AGBL1: variants seen among roughly 807,000 people sequenced by gnomAD.
AGBL1 encodes cytosolic carboxypeptidase 4.
In AGBL1, 130 loss-of-function variants were observed where a neutral mutation model predicts 118.9. That is an observed-to-expected ratio of 1.09 (90% CI 0.95 to 1.26). AGBL1 has a LOEUF of 1.26. Ranked by LOEUF, AGBL1 falls within the 50% of genes most tolerant of loss-of-function variation. The pLI is 0.00. For missense variants in AGBL1, 1,584 were observed against 1,298.1 expected, an observed-to-expected ratio of 1.22 and a Z score of -3.38; for synonymous variants, 555 against 478.9, an observed-to-expected ratio of 1.16 and a Z score of -2.08.
intron 23 of AGBL1, among the ~76,000 whole-genome samples, chr15:86,984,403 C>T (rs1163239235): frequency 1.3e-5 from 2 of 149,314 alleles, no homozygotes; most frequent in East Asian, 2.0e-4. Context: ...TTCACTCTGT[C>T]GCCCGGGCTG....
Position 86,143,820 on chromosome 15 carries a change from G to A in AGBL1, c.237G>A (p.Arg79=). The part of the protein sequence containing the change: ...PDYDILLPLF[R]LLAKVGLRDK... ...ATGACATCCTCCTGCCTCTCTTCCG[G>A]CTGCTGGCCAAAGTTGGCCTAAGAG... Residue 79 remains arginine, a synonymous_variant, in exon 3 of 23, where the codon CGG becomes CGA. Coordinates refer to ENST00000614907, the MANE Select transcript of AGBL1 (RefSeq NM_001386094.1). 1.2e-6 allele frequency: 2 copies of A among 1,613,822 alleles called. No homozygotes were observed. Among genetic ancestry groups the A allele is most frequent in the Non-Finnish European group, 1.7e-6 (2 of 1,179,786 alleles).
rs545017918 is a variant in AGBL1 at position 86,791,418 on chromosome 15, A to G, written c.3159-115669A>G. On this transcript the variant is annotated intron_variant, in intron 22 of 22. Transcript: ENST00000614907. ...TGATCATTTCAGAATTAAAACAAGT[A>G]ATTCACCTCACCCATAGCAGGTGCT... Among the ~76,000 whole-genome samples the G allele has an allele frequency of 3.2e-4, 48 of 152,220 alleles. No homozygotes were observed. The South Asian group carries it at 8.7e-3, about 28-fold the overall frequency.
chr15:86,286,432 G>C (rs1365672269), intron 16 of AGBL1, among the ~76,000 whole-genome samples: 1 of 151,774 alleles, frequency 6.6e-6, no homozygotes, highest in African/African-American at 2.4e-5. Flanking sequence ...TTGAAATTTT[G>C]TACCCTTTCT....
chr15:86,483,793 A>T (rs1301124338), intron 18 of AGBL1, among the ~76,000 whole-genome samples: 3 of 152,158 alleles, frequency 2.0e-5, no homozygotes, highest in African/African-American at 7.2e-5. Context: ...TTTAGCTGTT[A>T]AAATAAACAA....
At chr15:86,734,698 TGAG>T (rs2077569200) in intron 22 of AGBL1, among the ~76,000 whole-genome samples, 3 of 152,110 alleles carry the variant, frequency 2.0e-5, no homozygotes, top group Non-Finnish European at 2.9e-5. Context: ...TCAGGAAAAA[TGAG>T]GAGGAGACAA....
chr15:86,882,556 G>C (rs2079910580), intron 22 of AGBL1, among the ~76,000 whole-genome samples: 1 of 152,104 alleles, frequency 6.6e-6, no homozygotes, highest in South Asian at 2.1e-4. Context: ...ATAAAATTTA[G>C]ATATATTAAT....
intron 23 of AGBL1, among the ~76,000 whole-genome samples, chr15:86,978,939 G>A (rs954529815): frequency 2.0e-5 from 3 of 152,164 alleles, no homozygotes; most frequent in African/African-American, 7.2e-5. Context: ...CATTTAATGA[G>A]TTCTTGCTTT....
intron 6 of AGBL1, among the ~76,000 whole-genome samples, chr15:86,234,529 C>A (rs551915083): frequency 7.8e-6 from 1 of 129,006 alleles, no homozygotes; most frequent in Admixed American, 9.3e-5. Flanking sequence ...CCAGCCTGGG[C>A]GACAGAGTGA....
chr15:86,526,798 C>T (rs570300093), intron 19 of AGBL1, among the ~76,000 whole-genome samples: 3 of 151,832 alleles, frequency 2.0e-5, no homozygotes, highest in South Asian at 2.1e-4. Flanking sequence ...GTGGGATAAG[C>T]TACGGGTATG....
At chr15:86,704,962 A>G (rs12915386) in intron 22 of AGBL1, among the ~76,000 whole-genome samples, 70,207 of 152,108 alleles carry the variant, frequency 0.46, 18,836 homozygotes, top group Non-Finnish European at 0.62. Context: ...ATAAAAAGGA[A>G]TGAGTTCATG....
At chr15:86,332,304 G>A (rs907912403) in intron 17 of AGBL1, among the ~76,000 whole-genome samples, 6 of 152,118 alleles carry the variant, frequency 3.9e-5, no homozygotes, top group African/African-American at 1.4e-4. Context: ...ATAATAGTGA[G>A]GGAACTTTGA....
At chr15:86,442,892 G>C (rs1177553567) in intron 18 of AGBL1, among the ~76,000 whole-genome samples, 1 of 152,234 alleles carries the variant, frequency 6.6e-6, no homozygotes, top group African/African-American at 2.4e-5. Context: ...AAAGCAGAGA[G>C]ATGCGATTGC....
chr15:86,619,849 T>C (rs778053584), intron 21 of AGBL1, among the ~76,000 whole-genome samples: 9 of 152,172 alleles, frequency 5.9e-5, no homozygotes, highest in Admixed American at 1.3e-4. Flanking sequence ...TATGCTAAGC[T>C]TCAAAGGAAC....
At chr15:87,013,913 G>C (rs2081585556) in intron 24 of AGBL1, among the ~76,000 whole-genome samples, 1 of 152,156 alleles carries the variant, frequency 6.6e-6, no homozygotes, top group African/African-American at 2.4e-5. Flanking sequence ...GATTCCAGGA[G>C]CTACCCTTTC....
chr15:86,935,572 A>G (rs1865188), intron 23 of AGBL1, among the ~76,000 whole-genome samples: 5,930 of 152,296 alleles, frequency 0.039, 157 homozygotes, highest in Middle Eastern at 0.071. Flanking sequence ...ACTGGGAGCC[A>G]TATCACCCTG....
At chr15:86,396,223 A>ATGTGTG (rs1278356872) in intron 17 of AGBL1, among the ~76,000 whole-genome samples, 1 of 129,370 alleles carries the variant, frequency 7.7e-6, no homozygotes, top group African/African-American at 3.3e-5. Flanking sequence ...GTGTGTATAT[A>ATGTGTG]TATGTGTGTG....
intron 22 of AGBL1, among the ~76,000 whole-genome samples, chr15:86,718,633 G>A (rs2086672755): frequency 6.6e-6 from 1 of 152,160 alleles, no homozygotes; most frequent in South Asian, 2.1e-4. Context: ...AAACCAAGGG[G>A]AGATGGAGGC....
At chr15:86,779,920 A>AACACACAC (rs201278408) in intron 22 of AGBL1, among the ~76,000 whole-genome samples, 7 of 106,890 alleles carry the variant, frequency 6.5e-5, no homozygotes, top group African/African-American at 1.3e-4. Flanking sequence ...ACACCCCCCC[A>AACACACAC]ACACACACAC....
chr15:86,679,250 A>G (rs146501520), intron 22 of AGBL1, among the ~76,000 whole-genome samples: 1 of 152,218 alleles, frequency 6.6e-6, no homozygotes. Flanking sequence ...GTTCATCAGT[A>G]AAGTATTGTA....
Sources: allele counts gnomAD v4.1 joint callset (sites outside exome capture counted in the v4.1 genomes callset), GRCh38; gene constraint gnomAD v4.1.1; transcripts MANE v1.5; gene names NCBI Gene and HGNC (gene_info 2026-07-23, HGNC 2026-07-21).